Variants in CSMD1 observed in about 807,000 individuals in gnomAD.
The protein encoded by CSMD1 is CUB and sushi domain-containing protein 1.
Under a neutral mutation model 417.5 loss-of-function variants are expected in CSMD1, and 213 were observed. That is an observed-to-expected ratio of 0.51 (90% CI 0.46 to 0.57). The LOEUF (loss-of-function observed/expected upper bound fraction) is 0.57. Among genes scored for constraint, CSMD1 ranks in the 20% least tolerant of loss-of-function variants. The probability of loss-of-function intolerance (pLI) is 0.00; values close to 1 mark genes in which losing one functional copy is unlikely to be tolerated. For missense variants in CSMD1, 6,923 were observed against 4,529.7 expected (o/e 1.53, Z -15.17); for synonymous variants, 2,862 against 1,736.8 (o/e 1.65, Z -16.11).
chr8:4,198,594 T>G (rs904650379), intron 3 of CSMD1, among the ~76,000 whole-genome samples: 4 of 152,092 alleles, frequency 2.6e-5, no homozygotes, highest in Non-Finnish European at 2.9e-5. Context: ...CGCCTTTGAT[T>G]TTAACGTAAT....
chr8:4,863,521 G>T (rs996983026), intron 1 of CSMD1, among the ~76,000 whole-genome samples: 1 of 151,900 alleles, frequency 6.6e-6, no homozygotes, highest in South Asian at 2.1e-4. Context: ...TAATGAAAAG[G>T]GTAACTCATT....
intron 23 of CSMD1, among the ~76,000 whole-genome samples, chr8:3,314,201 C>T (rs566423876): frequency 2.6e-5 from 4 of 152,150 alleles, no homozygotes; most frequent in African/African-American, 9.6e-5. Context: ...AGCACACCAA[C>T]ATGGCACATG....
chr8:4,860,829 C>G (rs886419070), intron 1 of CSMD1, among the ~76,000 whole-genome samples: 1 of 152,138 alleles, frequency 6.6e-6, no homozygotes, highest in Non-Finnish European at 1.5e-5. Flanking sequence ...GTGTCCCCAA[C>G]ACAGCATAAT....
intron 2 of CSMD1, among the ~76,000 whole-genome samples, chr8:4,439,209 CATTT>C (rs909038002): frequency 2.0e-5 from 3 of 152,068 alleles, no homozygotes; most frequent in African/African-American, 7.2e-5. Flanking sequence ...TTGCAAATTT[CATTT>C]ATTTGAAATA....
chr8:4,242,947 T>G (rs1022848292), intron 3 of CSMD1, among the ~76,000 whole-genome samples: 9 of 152,224 alleles, frequency 5.9e-5, no homozygotes, highest in African/African-American at 1.9e-4. Flanking sequence ...TATATAACAT[T>G]GCATGAAAAG....
chr8:4,109,736 T>C (rs1025155344), intron 3 of CSMD1, among the ~76,000 whole-genome samples: 1 of 152,176 alleles, frequency 6.6e-6, no homozygotes, highest in Non-Finnish European at 1.5e-5. Flanking sequence ...AACTATGTCT[T>C]ATTTTTAAAG....
At chr8:2,941,300 C>A (rs1801856881) in intron 69 of CSMD1, among the ~76,000 whole-genome samples, 1 of 152,048 alleles carries the variant, frequency 6.6e-6, no homozygotes, top group South Asian at 2.1e-4. Context: ...TATAAGAAAG[C>A]AAATATTTAA....
chr8:3,834,550 C>T (rs561619166), intron 5 of CSMD1, among the ~76,000 whole-genome samples: 5 of 152,164 alleles, frequency 3.3e-5, no homozygotes, highest in Non-Finnish European at 7.3e-5. Flanking sequence ...CCAAAACTGG[C>T]TGATTTAAAT....
At chr8:4,003,001 CAAAATAAATGTATAA>C (rs200648348) in intron 4 of CSMD1, among the ~76,000 whole-genome samples, 22,463 of 151,504 alleles carry the variant, frequency 0.15, 1,729 homozygotes, top group South Asian at 0.2. Flanking sequence ...TTAATTTTTT[CAAAATAAATGTATAA>C]AAATAAAAAC....
intron 23 of CSMD1, among the ~76,000 whole-genome samples, chr8:3,312,861 C>T (rs1205310647): frequency 6.6e-6 from 1 of 152,162 alleles, no homozygotes; most frequent in Admixed American, 6.5e-5. Flanking sequence ...GTTACTTTAT[C>T]CACATTCGTT....
At chr8:3,713,717 C>A (rs548698938) in intron 6 of CSMD1, among the ~76,000 whole-genome samples, 199 of 152,266 alleles carry the variant, frequency 1.3e-3, no homozygotes, top group African/African-American at 4.6e-3. Context: ...TTCTTTCAAA[C>A]AAATGTAACG....
intron 8 of CSMD1, chr8:3,613,280 T>A (rs1175412533): frequency 4.7e-6 from 2 of 421,912 alleles, no homozygotes; most frequent in Non-Finnish European, 9.5e-6. Flanking sequence ...AAAAACCTAC[T>A]TGTAAGAAAA....
chr8:3,915,148 G>C (rs543201485), intron 5 of CSMD1, among the ~76,000 whole-genome samples: 1 of 152,196 alleles, frequency 6.6e-6, no homozygotes, highest in Admixed American at 6.5e-5. Context: ...GTTCACGCCT[G>C]TAATCCCAGC....
intron 9 of CSMD1, among the ~76,000 whole-genome samples, chr8:3,576,925 T>C (rs1800174490): frequency 3.3e-5 from 5 of 152,248 alleles, no homozygotes; most frequent in Admixed American, 3.3e-4. Context: ...AATTAACAGC[T>C]GTTATAAACA....
intron 1 of CSMD1, among the ~76,000 whole-genome samples, chr8:4,956,486 T>C (rs1809119839): frequency 6.7e-6 from 1 of 148,342 alleles, no homozygotes. Context: ...AATGCATATG[T>C]GTATAAAAAT....
intron 1 of CSMD1, among the ~76,000 whole-genome samples, chr8:4,924,916 T>A (rs780349123): frequency 1.8e-4 from 27 of 152,146 alleles, no homozygotes; most frequent in Admixed American, 1.2e-3. Flanking sequence ...AAATCTTGTC[T>A]CTTCAAATCC....
At chr8:4,943,780 T>C (rs77033977) in intron 1 of CSMD1, among the ~76,000 whole-genome samples, 40 of 152,266 alleles carry the variant, frequency 2.6e-4, no homozygotes, top group African/African-American at 9.4e-4. Flanking sequence ...CCCTGAAAAT[T>C]GCATGTTAGA....
intron 12 of CSMD1, among the ~76,000 whole-genome samples, chr8:3,453,346 T>A (rs1412063255): frequency 1.3e-5 from 2 of 152,200 alleles, no homozygotes; most frequent in African/African-American, 2.4e-5. Context: ...TTTCTCACCT[T>A]CTGCTGGCTT....
intron 18 of CSMD1, among the ~76,000 whole-genome samples, chr8:3,379,605 C>A (rs1464828130): frequency 6.6e-6 from 1 of 152,154 alleles, no homozygotes; most frequent in Non-Finnish European, 1.5e-5. Flanking sequence ...ATATCTACAA[C>A]CAACTGACCT....
Sources: allele counts gnomAD v4.1 joint callset (sites outside exome capture counted in the v4.1 genomes callset), GRCh38; gene constraint gnomAD v4.1.1; transcripts MANE v1.5; gene names NCBI Gene and HGNC (gene_info 2026-07-23, HGNC 2026-07-21).